The following ARHGAP32 variants were observed in gnomAD, a reference collection of about 807,000 sequenced individuals.
ARHGAP32 encodes the protein Rho GTPase activating protein 32, also known as rho GTPase-activating protein 32.
A neutral mutation model predicts 186.5 loss-of-function variants in ARHGAP32; 51 were observed. The observed-to-expected ratio is 0.27, with a 90% CI of 0.22 to 0.35. The LOEUF is 0.35. Ranked by LOEUF, ARHGAP32 falls within the 10% of genes least tolerant of loss-of-function variation. The pLI is 1.00. For missense variants in ARHGAP32, 2,186 were observed against 2,623.5 expected, an observed-to-expected ratio of 0.83 and a Z score of 3.64; for synonymous variants, 950 against 964.3, an observed-to-expected ratio of 0.99 and a Z score of 0.27.
At chr11:129,235,948 C>CA (rs1944926304) in intron 1 of ARHGAP32, among the ~76,000 whole-genome samples, 1 of 151,266 alleles carries the variant, frequency 6.6e-6, no homozygotes, top group Non-Finnish European at 1.5e-5. Flanking sequence ...CACTCACACA[C>CA]ATTTTCTTTA....
chr11:128,970,529 G>A lies in ARHGAP32; in HGVS notation c.4684C>T (p.His1562Tyr), dbSNP rs1327477239. The A allele has an allele frequency of 6.2e-7, 1 of 1,614,036 alleles. No individual in the cohort carries two copies. Among genetic ancestry groups the A allele is most frequent in the Non-Finnish European group, 8.5e-7 (1 of 1,180,030 alleles). Residue 1562 changes from histidine to tyrosine, a missense_variant, in exon 23 of 23, where the codon CAC becomes TAC. By Grantham distance (83) the His-to-Tyr change is moderately conservative. This residue lies in a region of ARHGAP32 where 1,502 missense variants were observed against 1,570.0 expected (regional missense o/e 0.96). Transcript: ENST00000682385. The surrounding 1 kb of genome is among the most constrained non-coding windows in gnomAD (Gnocchi z 5.8). ...TCGACCCGGCTGCATGGCTTGGAGT[G>A]GTGTCCAGATGCGTTTCTTCCTGGG... is the stretch of plus-strand genomic sequence containing the variant. ...VAPGRNASGHHSKPCSRVEYV... is the reference protein window; with the variant it reads ...VAPGRNASGHYSKPCSRVEYV...
At chr11:129,109,004 T>C (rs1184609199) in intron 5 of ARHGAP32, among the ~76,000 whole-genome samples, 2 of 152,128 alleles carry the variant, frequency 1.3e-5, no homozygotes, top group African/African-American at 4.8e-5. Context: ...GTATTGAACA[T>C]TGTAACTTAC....
intron 5 of ARHGAP32, among the ~76,000 whole-genome samples, chr11:129,110,301 A>T (rs1264825252): frequency 6.6e-6 from 1 of 151,978 alleles, no homozygotes; most frequent in African/African-American, 2.4e-5. Context: ...ATTACTCTAC[A>T]TGTTTGTTTC....
chr11:129,193,680 TA>T (rs1565464858), upstream of ARHGAP32, among the ~76,000 whole-genome samples: 10 of 47,360 alleles, frequency 2.1e-4, no homozygotes, highest in East Asian at 5.7e-4. Context: ...ATATAATATA[TA>T]ATATATATTA....
In ARHGAP32 at chr11:128,972,458, G is replaced by A. The variant is rs570761870; in HGVS notation, c.4048C>T (p.His1350Tyr). 2.6e-6 allele frequency: 4 copies of A among 1,510,672 alleles called. No individual in the cohort carries two copies. The Admixed American group carries it at 6.8e-5, about 26-fold the overall frequency. 93.6% of individuals were successfully genotyped at this position (1,510,672 alleles called of 1,614,324 possible). A position where few individuals can be genotyped will look rare whatever the true frequency, so the allele number is the denominator to read the frequency against. The change falls in exon 22 of 23, where the codon CAC (histidine) becomes TAC (tyrosine). Residue 1350 changes from histidine (H) to tyrosine (Y), a missense_variant. Transcript: ENST00000682385. Reference sequence around the variant, plus strand: ...TGATATCTTCCCCTTCTTACCTTGTGGGAATTATTTAATCCTATATTGGTT... The same window carrying A: ...TGATATCTTCCCCTTCTTACCTTGTAGGAATTATTTAATCCTATATTGGTT... Reference protein sequence around the residue: ...AATNIGLNNSHKVQGVVPVPE... With the variant: ...AATNIGLNNSYKVQGVVPVPE...
At chr11:129,127,963 A>C (rs1942702721) in intron 2 of ARHGAP32, among the ~76,000 whole-genome samples, 1 of 152,226 alleles carries the variant, frequency 6.6e-6, no homozygotes, top group African/African-American at 2.4e-5. Context: ...TATCTCTAGC[A>C]ATTAACTGGC....
chr11:129,137,269 C>T (rs1565440134), intron 2 of ARHGAP32, among the ~76,000 whole-genome samples: 1 of 151,624 alleles, frequency 6.6e-6, no homozygotes. Flanking sequence ...AATTTAGATG[C>T]TTACCTAGGA....
At chr11:129,029,801 CA>C (rs34762356) in intron 11 of ARHGAP32, among the ~76,000 whole-genome samples, 41 of 46,938 alleles carry the variant, frequency 8.7e-4, no homozygotes, top group East Asian at 3.1e-3. Context: ...GACTCCGTCT[CA>C]AAAAAAAAAA....
At chr11:129,087,891 A>G (rs2135249670) in intron 6 of ARHGAP32, among the ~76,000 whole-genome samples, 1 of 152,298 alleles carries the variant, frequency 6.6e-6, no homozygotes, top group East Asian at 1.9e-4. Flanking sequence ...TGAATGTAAA[A>G]CTTGTCTGAA....
chr11:129,196,438 G>C (rs1944392793), upstream of ARHGAP32, among the ~76,000 whole-genome samples: 1 of 152,190 alleles, frequency 6.6e-6, no homozygotes, highest in Non-Finnish European at 1.5e-5. Flanking sequence ...GTTATTATAA[G>C]TGATCTAGAG....
intron 2 of ARHGAP32, among the ~76,000 whole-genome samples, chr11:129,126,270 G>C (rs892689585): frequency 6.6e-6 from 1 of 152,150 alleles, no homozygotes; most frequent in Non-Finnish European, 1.5e-5. Flanking sequence ...CAGTGTAAAA[G>C]TAGCTACTTA....
intron 11 of ARHGAP32, among the ~76,000 whole-genome samples, chr11:129,010,958 A>T (rs1022671642): frequency 1.3e-5 from 2 of 152,224 alleles, no homozygotes; most frequent in East Asian, 3.8e-4. Flanking sequence ...GAATGTTTCA[A>T]AGGAATGGAA....
intron 6 of ARHGAP32, among the ~76,000 whole-genome samples, chr11:129,086,257 C>T (rs924554784): frequency 7.9e-5 from 12 of 152,110 alleles, no homozygotes; most frequent in Non-Finnish European, 1.5e-5. Flanking sequence ...AGACACAGAC[C>T]TTACACCTTT....
chr11:129,191,968 C>T, intron 1 of ARHGAP32, 115 bp downstream of exon 1: 4 of 767,498 alleles, frequency 5.2e-6, no homozygotes, highest in Non-Finnish European at 8.7e-6. Flanking sequence ...TCCAAACCTT[C>T]CCCCAGAAAA....
intron 1 of ARHGAP32, among the ~76,000 whole-genome samples, chr11:129,256,658 T>A (rs1945258386): frequency 6.6e-6 from 1 of 152,190 alleles, no homozygotes; most frequent in African/African-American, 2.4e-5. Flanking sequence ...GGATTTGAAG[T>A]CGGATAACAT....
At chr11:129,256,383 G>C (rs1005976704) in intron 1 of ARHGAP32, among the ~76,000 whole-genome samples, 1 of 152,146 alleles carries the variant, frequency 6.6e-6, no homozygotes, top group Non-Finnish European at 1.5e-5. Context: ...TCCTGTCCTT[G>C]ACCAATCCAA....
In ARHGAP32 at chr11:128,970,909, C is replaced by G. The variant is rs899882477; in HGVS notation, c.4304G>C (p.Ser1435Thr). The G allele has an allele frequency of 2.5e-6, 4 of 1,614,150 alleles. No homozygotes were observed. Among genetic ancestry groups the G allele is most frequent in the Non-Finnish European group, 3.4e-6 (4 of 1,179,998 alleles). ...GGAGTGTATGGCAGCAATCATCTTA[C>G]TCTCCATCATCCTGGTGGGGGGCAG... is the stretch of plus-strand genomic sequence containing the variant. ...APLPPTRMME[S>T]KMIAAIHSSS... The change falls in exon 23 of 23, where the codon AGT becomes ACT. Residue 1435 changes from serine to threonine, a missense_variant. Ser to Thr is a moderately conservative substitution (Grantham distance 58). This residue lies in a region of ARHGAP32 where 1,502 missense variants were observed against 1,570.0 expected (regional missense o/e 0.96). Transcript: ENST00000682385. This position sits in a 1 kb window ranked among gnomAD's most constrained non-coding sequence, Gnocchi z 5.8.
intron 19 of ARHGAP32, among the ~76,000 whole-genome samples, chr11:128,977,574 C>T (rs1945581610): frequency 6.6e-6 from 1 of 152,118 alleles, no homozygotes; most frequent in Non-Finnish European, 1.5e-5. Context: ...TAGGTGAATC[C>T]CTACTTCTCC....
chr11:129,178,742 G>C (rs11221593), intron 1 of ARHGAP32, among the ~76,000 whole-genome samples: 43,298 of 151,540 alleles, frequency 0.29, 6,513 homozygotes, highest in Middle Eastern at 0.4. Flanking sequence ...CTAGCCATAT[G>C]TAGAAAGCTG....
Sources: gnomAD v4.1 joint callset for allele counts (sites outside exome capture counted in the v4.1 genomes callset) on GRCh38, gnomAD v4.1.1 for gene constraint, gnomAD v4.1.1 regional missense constraint, Gnocchi (gnomAD v3.1) non-coding constraint, MANE v1.5 for transcripts, NCBI Gene and HGNC (gene_info 2026-07-23, HGNC 2026-07-21) for gene names.